Variants in DIS3L2 observed in about 807,000 individuals in gnomAD.
DIS3L2 encodes DIS3-like exonuclease 2.
DIS3L2 carries 34 observed loss-of-function variants against 97.5 expected under a neutral mutation model. That is an observed-to-expected ratio of 0.35 (90% confidence interval 0.27 to 0.46). DIS3L2 has a LOEUF of 0.46. Among genes scored for constraint, DIS3L2 ranks in the 20% least tolerant of loss-of-function variants. The pLI is 1.00. For synonymous variants in DIS3L2, 435 were observed against 445.2 expected (o/e 0.98, Z 0.29); for missense variants, 1,038 against 1,146.0 (o/e 0.91, Z 1.36).
chr2:232,107,825 C>A (rs1422763314), intron 6 of DIS3L2, among the ~76,000 whole-genome samples: 4 of 152,160 alleles, frequency 2.6e-5, no homozygotes, highest in Non-Finnish European at 2.9e-5. Context: ...TTCCTGGACA[C>A]ATACACCCTC....
intron 1 of DIS3L2, among the ~76,000 whole-genome samples, chr2:231,981,158 A>G (rs1050666366): frequency 6.6e-6 from 1 of 152,034 alleles, no homozygotes; most frequent in Non-Finnish European, 1.5e-5. Flanking sequence ...TGGGCAGGCT[A>G]GTCTTGAAAT....
intron 5 of DIS3L2, among the ~76,000 whole-genome samples, chr2:232,043,103 G>GT (rs1377545535): frequency 6.6e-6 from 1 of 152,188 alleles, no homozygotes; most frequent in African/African-American, 2.4e-5. Context: ...CTGAGCAACT[G>GT]TATGATAGGC....
intron 13 of DIS3L2, among the ~76,000 whole-genome samples, chr2:232,283,718 A>G (rs1694354642): frequency 6.6e-6 from 1 of 152,260 alleles, no homozygotes; most frequent in African/African-American, 2.4e-5. Context: ...CCATTTAGGT[A>G]ACATCCTCAA....
chr2:232,193,273 T>G (rs1455803297), intron 9 of DIS3L2, among the ~76,000 whole-genome samples: 1 of 152,246 alleles, frequency 6.6e-6, no homozygotes, highest in African/African-American at 2.4e-5. Context: ...AATGCTGCTA[T>G]CACAGGAGTG....
chr2:232,318,063 G>A (rs968574351), intron 14 of DIS3L2, among the ~76,000 whole-genome samples: 1 of 152,190 alleles, frequency 6.6e-6, no homozygotes, highest in Non-Finnish European at 1.5e-5. Flanking sequence ...TGCCCTCTGG[G>A]CTCTGTTATA....
intron 14 of DIS3L2, among the ~76,000 whole-genome samples, chr2:232,317,659 A>G (rs1695312450): frequency 6.6e-6 from 1 of 151,974 alleles, no homozygotes; most frequent in Non-Finnish European, 1.5e-5. Flanking sequence ...CTGGTCTCGA[A>G]TTCCTGGCCT....
chr2:231,990,215 C>A (rs1693545651), intron 1 of DIS3L2, among the ~76,000 whole-genome samples: 1 of 151,474 alleles, frequency 6.6e-6, no homozygotes, highest in Non-Finnish European at 1.5e-5. Flanking sequence ...TAAGATGAGG[C>A]TTTTAATTAG....
intron 8 of DIS3L2, among the ~76,000 whole-genome samples, chr2:232,148,815 C>CA (rs1204077512): frequency 7.9e-6 from 1 of 126,526 alleles, no homozygotes; most frequent in Non-Finnish European, 1.6e-5. Flanking sequence ...CTAATAATTC[C>CA]AAAAAAATAA....
At chr2:232,285,861 G>A (rs938070494) in intron 13 of DIS3L2, among the ~76,000 whole-genome samples, 1 of 152,178 alleles carries the variant, frequency 6.6e-6, no homozygotes, top group Non-Finnish European at 1.5e-5. Flanking sequence ...TAAAGCCTTT[G>A]TGGGGATCAC....
intron 5 of DIS3L2, among the ~76,000 whole-genome samples, chr2:232,078,902 A>T (rs779333038): frequency 6.6e-6 from 1 of 152,222 alleles, no homozygotes; most frequent in Non-Finnish European, 1.5e-5. Context: ...TGGGAAGATT[A>T]TGTGGTGGAT....
rs922510920 is a variant in DIS3L2, at chr2:232,011,357, C to CT, written c.-93-3465dup. Among the ~76,000 whole-genome samples the CT allele has an allele frequency of 2.0e-3, 295 of 144,110 alleles. 1 individual carries two copies. Among genetic ancestry groups the CT allele is most frequent in the East Asian group, 3.6e-3 (18 of 5,016 alleles). 94.5% of individuals were successfully genotyped at this position (144,110 alleles called of 152,430 possible). ...GATTTCTTGTTTGTTCATTTTCTTT[C>CT]TTTTTTTTTTTTTGAGAAGGAGTTT... On this transcript the variant is annotated intron_variant, in intron 1 of 20. Coordinates refer to ENST00000325385, the MANE Select transcript of DIS3L2 (RefSeq NM_152383.5).
chr2:232,176,014 C>T (rs1279302370), intron 9 of DIS3L2, among the ~76,000 whole-genome samples: 1 of 152,062 alleles, frequency 6.6e-6, no homozygotes, highest in Non-Finnish European at 1.5e-5. Flanking sequence ...TTCAGCCTCC[C>T]AAGTAGCTGG....
intron 15 of DIS3L2, 135 bp from the exon 16 acceptor site, chr2:232,330,555 C>T: frequency 3.3e-6 from 3 of 914,718 alleles, no homozygotes; most frequent in East Asian, 2.4e-5. Flanking sequence ...CACCCATCCC[C>T]TCTGAGCAGG....
At chr2:232,020,208 A>C (rs951243458) in intron 3 of DIS3L2, among the ~76,000 whole-genome samples, 8 of 152,222 alleles carry the variant, frequency 5.3e-5, no homozygotes, top group Non-Finnish European at 1.0e-4. Context: ...TTCAAAGAGC[A>C]GCAGGAAGTC....
intron 5 of DIS3L2, among the ~76,000 whole-genome samples, chr2:232,039,557 A>G (rs944418470): frequency 6.6e-6 from 1 of 152,182 alleles, no homozygotes; most frequent in Admixed American, 6.5e-5. Context: ...GGCAAAATAG[A>G]TAGCTGTATG....
chr2:232,074,340 T>C (rs949676475), intron 5 of DIS3L2, among the ~76,000 whole-genome samples: 1 of 152,174 alleles, frequency 6.6e-6, no homozygotes, highest in Non-Finnish European at 1.5e-5. Context: ...TCTTGCTGCT[T>C]AGTATTTATT....
At chr2:232,053,635 T>TATAAAACTGAA (rs1695468440) in intron 5 of DIS3L2, among the ~76,000 whole-genome samples, 1 of 152,182 alleles carries the variant, frequency 6.6e-6, no homozygotes, top group Non-Finnish European at 1.5e-5. Flanking sequence ...GCTATAATGG[T>TATAAAACTGAA]TTATAAAACT....
chr2:231,967,825 A>T (rs1402669491), intron 1 of DIS3L2, among the ~76,000 whole-genome samples: 1 of 152,200 alleles, frequency 6.6e-6, no homozygotes, highest in African/African-American at 2.4e-5. Flanking sequence ...AATTTTTAAT[A>T]AATGAATTAG....
intron 6 of DIS3L2, among the ~76,000 whole-genome samples, chr2:232,090,119 T>G (rs555810996): frequency 6.6e-6 from 1 of 151,974 alleles, no homozygotes; most frequent in Non-Finnish European, 1.5e-5. Context: ...TGTTGTTGTT[T>G]TTTAATACAG....
Sources: allele counts gnomAD v4.1 joint callset (sites outside exome capture counted in the v4.1 genomes callset), GRCh38; gene constraint gnomAD v4.1.1; transcripts MANE v1.5; gene names NCBI Gene and HGNC (gene_info 2026-07-23, HGNC 2026-07-21).